Variants in TTC13 observed in about 807,000 individuals in gnomAD.
TTC13 encodes tetratricopeptide repeat protein 13.
In TTC13, 62 loss-of-function variants were observed where a neutral mutation model predicts 120.0. The observed-to-expected ratio is 0.52, with a 90% CI of 0.42 to 0.64. The LOEUF is 0.64. Ranked by LOEUF, TTC13 falls within the 30% of genes least tolerant of loss-of-function variation. The pLI is 0.00. For missense variants in TTC13, 824 were observed against 1,050.2 expected (o/e 0.78, Z 2.98); for synonymous variants, 384 against 393.5 (o/e 0.98, Z 0.28).
At chr1:230,945,609 G>T (rs1479005885) in intron 4 of TTC13, among the ~76,000 whole-genome samples, 155 bp from the exon 5 acceptor site, 5 of 152,178 alleles carry the variant, frequency 3.3e-5, no homozygotes, top group Admixed American at 3.3e-4. Flanking sequence ...AACCTGAAAA[G>T]TCTATGTTCT....
At chr1:230,911,580 C>T in intron 19 of TTC13, 31 bp from the exon 20 acceptor site, 4 of 1,410,168 alleles carry the variant, frequency 2.8e-6, no homozygotes, top group Non-Finnish European at 3.9e-6. Context: ...CTCATAAATA[C>T]TATAAAGATT....
At chr1:230,971,359 A>AAG (rs1677726713) in intron 1 of TTC13, among the ~76,000 whole-genome samples, 1 of 149,636 alleles carries the variant, frequency 6.7e-6, no homozygotes, top group Non-Finnish European at 1.5e-5. Context: ...AAAAAAAAAA[A>AAG]AAAAAAAGAC....
intron 1 of TTC13, among the ~76,000 whole-genome samples, chr1:230,962,210 C>CA (rs35386237): frequency 0.33 from 45,757 of 138,040 alleles, 7,041 homozygotes; most frequent in South Asian, 0.41. Context: ...AACTCTGACT[C>CA]AAAAAAAAAA....
At chr1:230,963,577 G>T (rs979564334) in intron 1 of TTC13, among the ~76,000 whole-genome samples, 3 of 151,926 alleles carry the variant, frequency 2.0e-5, no homozygotes, top group Non-Finnish European at 4.4e-5. Context: ...GGAAGCTGCA[G>T]TGAACCATGA....
At chr1:230,918,697 G>C (rs1672279423) in intron 17 of TTC13, among the ~76,000 whole-genome samples, 1 of 152,142 alleles carries the variant, frequency 6.6e-6, no homozygotes, top group Non-Finnish European at 1.5e-5. Context: ...TTGGTCTTCA[G>C]CAGACCAAAA....
At chr1:230,969,570 A>G (rs889925614) in intron 1 of TTC13, among the ~76,000 whole-genome samples, 1 of 152,210 alleles carries the variant, frequency 6.6e-6, no homozygotes, top group Non-Finnish European at 1.5e-5. Context: ...AGTATTTTCA[A>G]AGAACTAGGT....
At chr1:230,915,107 T>C (rs1475275054) in intron 18 of TTC13, among the ~76,000 whole-genome samples, 6 of 152,154 alleles carry the variant, frequency 3.9e-5, no homozygotes, top group Non-Finnish European at 7.3e-5. Flanking sequence ...ACTTCAAAGA[T>C]ATAGAAAAGC....
intron 1 of TTC13, among the ~76,000 whole-genome samples, chr1:230,968,077 C>A (rs1677305163): frequency 6.6e-6 from 1 of 151,990 alleles, no homozygotes; most frequent in South Asian, 2.1e-4. Flanking sequence ...GCCTCTCATT[C>A]ACAACTGACA....
intron 12 of TTC13, among the ~76,000 whole-genome samples, chr1:230,926,733 G>A (rs1558180889): frequency 6.6e-6 from 1 of 152,160 alleles, no homozygotes; most frequent in Non-Finnish European, 1.5e-5. Flanking sequence ...ATCTCCATGA[G>A]CAATCAATTT....
chr1:230,948,641 T>A (rs1050817046), intron 4 of TTC13, among the ~76,000 whole-genome samples: 2 of 151,918 alleles, frequency 1.3e-5, no homozygotes, highest in African/African-American at 4.8e-5. Context: ...GAGTGCACGA[T>A]CACACCAGGC....
intron 8 of TTC13, among the ~76,000 whole-genome samples, chr1:230,938,575 T>C (rs1228095859): frequency 6.6e-6 from 1 of 152,146 alleles, no homozygotes; most frequent in Non-Finnish European, 1.5e-5. Context: ...TCTCAAGCAA[T>C]ACTAATACAG....
At chr1:230,939,531 G>A (rs767641859) in intron 7 of TTC13, 35 bp from the exon 8 acceptor site, 8 of 1,369,874 alleles carry the variant, frequency 5.8e-6, no homozygotes, top group Non-Finnish European at 8.2e-6. Context: ...AAATAAAATA[G>A]TATTCATTAG....
Position 230,931,283 on chromosome 1 carries a change from G to A in TTC13, c.1300+15C>T. On this transcript the variant is annotated intron_variant, in intron 11 of 22. Transcript: ENST00000366661. ...GAGCATGAAAATCCAACAATTCTGT[G>A]ATTTTCTGACTTACCTCGGAGATAC... The A allele has an allele frequency of 6.2e-7, 1 of 1,610,512 alleles. No homozygotes were observed. The highest frequency in any genetic ancestry group is 8.5e-7 in the Non-Finnish European group (1 of 1,178,538).
intron 4 of TTC13, among the ~76,000 whole-genome samples, chr1:230,949,892 G>A (rs550825317): frequency 4.6e-5 from 7 of 152,132 alleles, no homozygotes; most frequent in East Asian, 1.9e-4. Context: ...CTCGTGATCC[G>A]CCCGCCTTGG....
At position 230,943,798 on chromosome 1, in the gene TTC13, A is replaced by G. The variant is rs1348777778; in HGVS notation, c.672+8T>C. On this transcript the variant is annotated splice_region_variant and intron_variant, in intron 6 of 22. Coordinates refer to ENST00000366661, the MANE Select transcript of TTC13 (RefSeq NM_024525.5). ...TAATGACAGAGGGAAAAAGAAAGCC[A>G]CACTCACTTCTGCTCGCTGCTCAAA... The G allele has an allele frequency of 3.1e-6, 5 of 1,594,560 alleles. No homozygotes were observed. In the East Asian group the frequency reaches 9.0e-5, roughly 29 times the overall value.
chr1:230,943,735 A>G, intron 6 of TTC13, 71 bp downstream of exon 6: 2 of 1,289,374 alleles, frequency 1.6e-6, no homozygotes, highest in Non-Finnish European at 2.2e-6. Flanking sequence ...TACAAATAAT[A>G]AAGTAATAGG....
In TTC13 at chr1:230,938,360, A is replaced by C. The variant is rs1674254806; in HGVS notation, c.900+1026T>G. On this transcript the variant is annotated intron_variant, in intron 8 of 22. Transcript: ENST00000366661. ...GGCACTAAGGAGGCCCAGGTGAGAG[A>C]GGCAGCTCCCCGTCAGGTTCCAGGC... is the stretch of plus-strand genomic sequence containing the variant. Among the ~76,000 whole-genome samples, 2 of 152,120 alleles carry C rather than the reference A, an allele frequency of 1.3e-5. 1 individual carries two copies. Among genetic ancestry groups the C allele is most frequent in the South Asian group, 4.1e-4 (2 of 4,828 alleles).
chr1:230,958,083 G>T, intron 3 of TTC13, 141 bp downstream of exon 3: 1 of 634,170 alleles, frequency 1.6e-6, no homozygotes. Context: ...TGTCACAAGG[G>T]CTGAATGCTC....
At chr1:230,958,039 CTTTT>C (rs59207624) in intron 3 of TTC13, among the ~76,000 whole-genome samples, 181 bp downstream of exon 3, 1 of 150,724 alleles carries the variant, frequency 6.6e-6, no homozygotes, top group Admixed American at 6.6e-5. Flanking sequence ...CCATCCAAAC[CTTTT>C]TTTTTTCTCT....
Sources: allele counts gnomAD v4.1 joint callset (sites outside exome capture counted in the v4.1 genomes callset), GRCh38; gene constraint gnomAD v4.1.1; transcripts MANE v1.5; gene names NCBI Gene and HGNC (gene_info 2026-07-23, HGNC 2026-07-21).